The following GALNT17 variants were observed in gnomAD, a reference collection of about 807,000 sequenced individuals.
GALNT17 encodes the protein polypeptide N-acetylgalactosaminyltransferase 17.
Under a neutral mutation model 63.7 loss-of-function variants are expected in GALNT17, and 29 were observed. That is an observed-to-expected ratio of 0.46 (90% CI 0.34 to 0.62). The LOEUF (loss-of-function observed/expected upper bound fraction) is 0.62. Ranked by LOEUF, GALNT17 falls within the 20% of genes least tolerant of loss-of-function variation. GALNT17 has a pLI of 0.01. For missense variants in GALNT17, 603 were observed against 799.6 expected, an observed-to-expected ratio of 0.75 and a Z score of 2.97; for synonymous variants, 305 against 318.3, an observed-to-expected ratio of 0.96 and a Z score of 0.45.
In GALNT17 at chr7:71,371,579, G is replaced by A. The variant is rs193058463; in HGVS notation, c.423-16656G>A. Among the ~76,000 whole-genome samples the A allele has an allele frequency of 1.6e-3, 245 of 152,106 alleles. 1 individual carries two copies. The highest frequency in any genetic ancestry group is 5.5e-3 in the African/African-American group (229 of 41,500). ...GTAAATGACTTTTTTGCAATTTGCC[G>A]TTGTCTTTTAATGTTATTTTGATGA... On this transcript the variant is annotated intron_variant, in intron 2 of 10. Coordinates refer to ENST00000333538, the MANE Select transcript of GALNT17 (RefSeq NM_022479.3).
intron 2 of GALNT17, among the ~76,000 whole-genome samples, chr7:71,366,518 T>G (rs1438909788): frequency 6.6e-6 from 1 of 151,846 alleles, no homozygotes; most frequent in Admixed American, 6.6e-5. Context: ...GAAGCGGAGG[T>G]TGCAGTGAGC....
chr7:71,498,069 A>C (rs763604628), intron 5 of GALNT17, among the ~76,000 whole-genome samples: 4 of 152,226 alleles, frequency 2.6e-5, no homozygotes, highest in Admixed American at 6.5e-5. Flanking sequence ...GAATGTCCGC[A>C]GTGGGGTAGC....
At chr7:71,378,034 C>T (rs766899190) in intron 2 of GALNT17, among the ~76,000 whole-genome samples, 3 of 152,142 alleles carry the variant, frequency 2.0e-5, no homozygotes, top group Non-Finnish European at 4.4e-5. Flanking sequence ...AGGAGTTTTG[C>T]TGGGGCTCCA....
chr7:71,319,854 T>C (rs1160732751), intron 1 of GALNT17, among the ~76,000 whole-genome samples: 1 of 152,208 alleles, frequency 6.6e-6, no homozygotes, highest in Non-Finnish European at 1.5e-5. Flanking sequence ...CTGGGCTTGG[T>C]TCTAAGCCAC....
intron 2 of GALNT17, among the ~76,000 whole-genome samples, chr7:71,355,727 T>G (rs1178988319): frequency 6.6e-6 from 1 of 152,038 alleles, no homozygotes; most frequent in East Asian, 1.9e-4. Context: ...GAGACAGAGT[T>G]TCTCCATGTT....
chr7:71,321,694 GC>G (rs1265094004), intron 1 of GALNT17, among the ~76,000 whole-genome samples: 3 of 127,582 alleles, frequency 2.4e-5, no homozygotes, highest in East Asian at 5.3e-4. Context: ...TGCAACCTCC[GC>G]CTCCCAGGCT....
chr7:71,195,262 C>T (rs1789025819), intron 1 of GALNT17, among the ~76,000 whole-genome samples: 1 of 152,234 alleles, frequency 6.6e-6, no homozygotes, highest in African/African-American at 2.4e-5. Flanking sequence ...GTTGCCCACG[C>T]TGGAGTGCAT....
intron 6 of GALNT17, among the ~76,000 whole-genome samples, chr7:71,575,374 G>A (rs1260990019): frequency 6.9e-6 from 1 of 144,232 alleles, no homozygotes; most frequent in Non-Finnish European, 1.5e-5. Context: ...TTTTTAACAT[G>A]AGAACACTAT....
chr7:71,638,565 C>T (rs1030617831), intron 6 of GALNT17, among the ~76,000 whole-genome samples: 12 of 152,048 alleles, frequency 7.9e-5, no homozygotes, highest in Non-Finnish European at 1.5e-4. Flanking sequence ...AAGGGCATCC[C>T]GATACAGACA....
chr7:71,177,691 AGTT>A (rs1204334719), intron 1 of GALNT17, among the ~76,000 whole-genome samples: 1 of 152,146 alleles, frequency 6.6e-6, no homozygotes, highest in Non-Finnish European at 1.5e-5. Flanking sequence ...GACATGACAG[AGTT>A]GTTTTTTTAA....
intron 1 of GALNT17, among the ~76,000 whole-genome samples, chr7:71,317,513 C>T (rs892541725): frequency 2.0e-5 from 3 of 151,988 alleles, no homozygotes; most frequent in Admixed American, 2.0e-4. Flanking sequence ...AGGCTGGGAC[C>T]CAGATAGAAC....
intron 2 of GALNT17, among the ~76,000 whole-genome samples, chr7:71,344,570 A>G (rs911096003): frequency 6.6e-6 from 1 of 152,076 alleles, no homozygotes; most frequent in Non-Finnish European, 1.5e-5. Context: ...TTTTTTAAAT[A>G]ATGATAACTG....
chr7:71,547,735 C>T (rs1789009850), intron 5 of GALNT17, among the ~76,000 whole-genome samples: 1 of 152,146 alleles, frequency 6.6e-6, no homozygotes, highest in Admixed American at 6.6e-5. Context: ...AAAGCTATCT[C>T]ATAAATGGCT....
chr7:71,558,616 A>G (rs941184911), intron 5 of GALNT17, among the ~76,000 whole-genome samples: 1 of 152,190 alleles, frequency 6.6e-6, no homozygotes, highest in Admixed American at 6.5e-5. Flanking sequence ...TATACACAGT[A>G]TATATAAAGT....
intron 1 of GALNT17, among the ~76,000 whole-genome samples, chr7:71,164,631 G>A (rs539587206): frequency 2.0e-5 from 3 of 152,234 alleles, no homozygotes; most frequent in South Asian, 2.1e-4. Context: ...TCTTCAACAC[G>A]AAATTCAATA....
intron 1 of GALNT17, among the ~76,000 whole-genome samples, chr7:71,214,877 C>T (rs894801819): frequency 6.6e-6 from 1 of 152,164 alleles, no homozygotes; most frequent in East Asian, 1.9e-4. Context: ...CGCACCTGGC[C>T]TTTTGATTAA....
intron 1 of GALNT17, among the ~76,000 whole-genome samples, chr7:71,279,844 T>C (rs1790748183): frequency 1.3e-5 from 2 of 151,192 alleles, no homozygotes; most frequent in Admixed American, 6.6e-5. Flanking sequence ...GCTTTGTTGA[T>C]GTTCTTTATG....
intron 5 of GALNT17, among the ~76,000 whole-genome samples, chr7:71,491,927 G>C (rs184867209): frequency 4.9e-4 from 75 of 152,198 alleles, no homozygotes; most frequent in Admixed American, 2.2e-3. Context: ...AGGCCAAGGT[G>C]GGAGGATCGC....
intron 2 of GALNT17, among the ~76,000 whole-genome samples, chr7:71,351,429 C>T (rs1792187407): frequency 6.6e-6 from 1 of 151,978 alleles, no homozygotes; most frequent in East Asian, 1.9e-4. Flanking sequence ...CCTCAGGTCA[C>T]CTTATGTGGA....
Sources: allele counts gnomAD v4.1 joint callset (sites outside exome capture counted in the v4.1 genomes callset), GRCh38; gene constraint gnomAD v4.1.1; transcripts MANE v1.5; gene names NCBI Gene and HGNC (gene_info 2026-07-23, HGNC 2026-07-21).